The following TGFBR1 variants were observed in gnomAD, a reference collection of about 807,000 sequenced individuals.
TGFBR1 encodes transforming growth factor beta receptor 1, also known as TGF-beta receptor type-1.
A neutral mutation model predicts 55.1 loss-of-function variants in TGFBR1; 20 were observed. The ratio of observed to expected loss-of-function variants is 0.36; its 90% CI spans 0.26 to 0.53. TGFBR1 has a LOEUF of 0.53. TGFBR1 is among the 20% of genes least tolerant of loss of function. TGFBR1 has a pLI of 0.91. For missense variants in TGFBR1, 385 were observed against 617.6 expected, an observed-to-expected ratio of 0.62 and a Z score of 3.99; for synonymous variants, 220 against 214.8, an observed-to-expected ratio of 1.02 and a Z score of -0.21.
chr9:99,121,477 G>A (rs1483297266), intron 1 of TGFBR1, among the ~76,000 whole-genome samples: 1 of 152,190 alleles, frequency 6.6e-6, no homozygotes, highest in African/African-American at 2.4e-5. Context: ...GTCTCCTTGA[G>A]AAGGGGGCAT....
chr9:99,113,806 G>T (rs1184825045), intron 1 of TGFBR1, among the ~76,000 whole-genome samples: 7 of 152,208 alleles, frequency 4.6e-5, no homozygotes, highest in Non-Finnish European at 1.5e-5. Context: ...TCAGCTCAAT[G>T]TAAGGAATGA....
chr9:99,108,694 CT>C (rs1564125355), intron 1 of TGFBR1, among the ~76,000 whole-genome samples: 1 of 152,276 alleles, frequency 6.6e-6, no homozygotes, highest in South Asian at 2.1e-4. Flanking sequence ...GGAAACAAGG[CT>C]TTTACTGACT....
chr9:99,131,402 T>G (rs933222687), intron 2 of TGFBR1, among the ~76,000 whole-genome samples: 18 of 152,146 alleles, frequency 1.2e-4, no homozygotes, highest in African/African-American at 4.3e-4. Context: ...GAAATAGGAT[T>G]CTGTATGATA....
At chr9:99,122,242 T>A (rs983602102) in intron 1 of TGFBR1, among the ~76,000 whole-genome samples, 1 of 152,070 alleles carries the variant, frequency 6.6e-6, no homozygotes. Context: ...GTTGTGTAGA[T>A]GATGACACAC....
At chr9:99,108,707 A>C (rs1482823606) in intron 1 of TGFBR1, among the ~76,000 whole-genome samples, 1 of 152,188 alleles carries the variant, frequency 6.6e-6, no homozygotes, top group Non-Finnish European at 1.5e-5. Context: ...TTACTGACTG[A>C]CTGGCAAGTT....
rs1226702485 is a variant in TGFBR1 at position 99,153,265 on chromosome 9, G to A, written c.*3960G>A. Reference sequence around the variant, plus strand: ...AGGTTTGCAGTTTTATTTCTATAAAGTATGGGTATTATGTTGCTCAGTTAC... The same window carrying A: ...AGGTTTGCAGTTTTATTTCTATAAAATATGGGTATTATGTTGCTCAGTTAC... On this transcript the variant is annotated 3_prime_UTR_variant, in exon 9 of 9. Coordinates refer to ENST00000374994, the MANE Select transcript of TGFBR1 (RefSeq NM_004612.4). 9.0e-6 allele frequency: 2 copies of A among 221,026 alleles called. No individual in the cohort carries two copies. Among genetic ancestry groups the A allele is most frequent in the South Asian group, 3.7e-4 (2 of 5,432 alleles). 13.7% of individuals were successfully genotyped at this position (221,026 alleles called of 1,614,324 possible). A position where few individuals can be genotyped will look rare whatever the true frequency, so the allele number is the denominator to read the frequency against.
intron 1 of TGFBR1, among the ~76,000 whole-genome samples, chr9:99,110,238 TAAAAA>T (rs199877403): frequency 6.6e-6 from 1 of 152,006 alleles, no homozygotes; most frequent in African/African-American, 2.4e-5. Context: ...TAATCTAACT[TAAAAA>T]AAATTGACTT....
In TGFBR1 at chr9:99,153,414, A is replaced by T. The variant is rs1828027344; in HGVS notation, c.*4109A>T. The T allele has an allele frequency of 4.7e-6, 1 of 213,856 alleles. No individual in the cohort carries two copies. The highest frequency in any genetic ancestry group is 5.8e-5 in the Admixed American group (1 of 17,122). The allele number at this position is 213,856 out of a possible 1,614,324, so 13.2% of individuals were successfully genotyped here. A position where few individuals can be genotyped will look rare whatever the true frequency, so the allele number is the denominator to read the frequency against. On this transcript the variant is annotated 3_prime_UTR_variant, in exon 9 of 9. Coordinates refer to ENST00000374994, the MANE Select transcript of TGFBR1 (RefSeq NM_004612.4). ...CAGTGTAATCTCTGCCTTTTAAGAT[A>T]TGTACAGAAAATGTCCATATAAATT...
chr9:99,134,805 TATATATATA>T (rs1564157128), intron 3 of TGFBR1, among the ~76,000 whole-genome samples: 954 of 31,780 alleles, frequency 0.03, 51 homozygotes, highest in Middle Eastern at 0.045. Flanking sequence ...GTTTCCATTA[TATATATATA>T]TATATATATA....
intron 1 of TGFBR1, among the ~76,000 whole-genome samples, chr9:99,105,812 G>A (rs1269294241): frequency 1.3e-5 from 2 of 152,218 alleles, no homozygotes; most frequent in Non-Finnish European, 2.9e-5. Flanking sequence ...CCCGGGCGGG[G>A]TGTGAGCTCC....
At chr9:99,125,659 A>T (rs142400879) in intron 1 of TGFBR1, among the ~76,000 whole-genome samples, 1 of 152,198 alleles carries the variant, frequency 6.6e-6, no homozygotes, top group East Asian at 1.9e-4. Flanking sequence ...CCACAAGGAC[A>T]TTTGGCCTGA....
At chr9:99,129,721 A>G (rs1339175687) in intron 2 of TGFBR1, among the ~76,000 whole-genome samples, 2 of 152,030 alleles carry the variant, frequency 1.3e-5, no homozygotes, top group Non-Finnish European at 1.5e-5. Context: ...CCAACATGGC[A>G]AAACCCTATC....
intron 1 of TGFBR1, among the ~76,000 whole-genome samples, chr9:99,126,212 G>T (rs1827036841): frequency 6.6e-6 from 1 of 152,136 alleles, no homozygotes; most frequent in Non-Finnish European, 1.5e-5. Flanking sequence ...AGAGGTGTGT[G>T]GCCCTAGATA....
chr9:99,127,530 C>A (rs1827075558), intron 1 of TGFBR1, among the ~76,000 whole-genome samples: 1 of 152,176 alleles, frequency 6.6e-6, no homozygotes, highest in African/African-American at 2.4e-5. Flanking sequence ...GCTCATCTAC[C>A]AGGAGCCAGC....
intron 7 of TGFBR1, 31 bp downstream of exon 7, chr9:99,146,640 G>T (rs199873851): frequency 5.0e-6 from 8 of 1,613,676 alleles, no homozygotes; most frequent in South Asian, 3.3e-5. Context: ...CCAGTAGTTT[G>T]TCATGAGCAG....
chr9:99,134,828 A>ACATATATATATATATATG (rs1827377715), intron 3 of TGFBR1, among the ~76,000 whole-genome samples: 1 of 111,254 alleles, frequency 9.0e-6, no homozygotes, highest in African/African-American at 3.2e-5. Context: ...ATATATATAT[A>ACATATATATATATATATG]TATATATATA....
chr9:99,113,896 A>G (rs577802240), intron 1 of TGFBR1, among the ~76,000 whole-genome samples: 2 of 152,326 alleles, frequency 1.3e-5, no homozygotes, highest in African/African-American at 4.8e-5. Context: ...GGCAGAGGCT[A>G]GATAACCTTC....
chr9:99,147,888 C>A (rs539453006), intron 8 of TGFBR1, 104 bp downstream of exon 8: 2 of 1,387,680 alleles, frequency 1.4e-6, no homozygotes, highest in South Asian at 2.4e-5. Context: ...TAAGAATTTT[C>A]TTTTTCATAG....
chr9:99,123,085 C>G (rs1224573189), intron 1 of TGFBR1, among the ~76,000 whole-genome samples: 1 of 151,966 alleles, frequency 6.6e-6, no homozygotes, highest in Admixed American at 6.6e-5. Context: ...TATGTATATG[C>G]AAATATTCCA....
Sources: allele counts gnomAD v4.1 joint callset (sites outside exome capture counted in the v4.1 genomes callset), GRCh38; gene constraint gnomAD v4.1.1; transcripts MANE v1.5; gene names NCBI Gene and HGNC (gene_info 2026-07-23, HGNC 2026-07-21).